DENND1A: variants seen among roughly 807,000 people sequenced by gnomAD.
DENND1A encodes the protein DENN domain-containing protein 1A.
Under a neutral mutation model 113.7 loss-of-function variants are expected in DENND1A, and 51 were observed. That is an observed-to-expected ratio of 0.45 (90% CI 0.36 to 0.57). The LOEUF (loss-of-function observed/expected upper bound fraction) is 0.57. Ranked by LOEUF, DENND1A falls within the 20% of genes least tolerant of loss-of-function variation. The probability of loss-of-function intolerance (pLI) is 0.00; values close to 1 mark genes in which losing one functional copy is unlikely to be tolerated. For synonymous variants in DENND1A, 565 were observed against 570.8 expected, an observed-to-expected ratio of 0.99 and a Z score of 0.14; for missense variants, 1,258 against 1,395.9, an observed-to-expected ratio of 0.90 and a Z score of 1.57.
chr9:123,783,184 AC>A (rs1214208241), intron 3 of DENND1A, among the ~76,000 whole-genome samples: 2 of 152,116 alleles, frequency 1.3e-5, no homozygotes, highest in Admixed American at 1.3e-4. Context: ...ATTATCTGAA[AC>A]CCCTTCATCA....
chr9:123,446,870 G>C (rs930825752), intron 18 of DENND1A, among the ~76,000 whole-genome samples: 1 of 152,158 alleles, frequency 6.6e-6, no homozygotes, highest in African/African-American at 2.4e-5. Context: ...TTTACAAAGG[G>C]CTGTGAAATG....
intron 19 of DENND1A, chr9:123,413,815 G>T (rs6478611): frequency 0.7 from 693,123 of 984,884 alleles, 245,563 homozygotes; most frequent in Middle Eastern, 0.74. Flanking sequence ...GTGTGTGGGG[G>T]AAAGGGGAAC....
chr9:123,868,872 C>T (rs769972368), intron 2 of DENND1A, among the ~76,000 whole-genome samples: 1 of 152,170 alleles, frequency 6.6e-6, no homozygotes, highest in Non-Finnish European at 1.5e-5. Context: ...GCAATTCAAA[C>T]TCATTCTATA....
chr9:123,723,063 G>T (rs1009093724), intron 5 of DENND1A, among the ~76,000 whole-genome samples: 1 of 152,238 alleles, frequency 6.6e-6, no homozygotes, highest in African/African-American at 2.4e-5. Flanking sequence ...GGGCAGAGCT[G>T]CCCAAGACCA....
intron 3 of DENND1A, among the ~76,000 whole-genome samples, chr9:123,785,945 G>A (rs887175127): frequency 6.6e-6 from 1 of 152,170 alleles, no homozygotes; most frequent in African/African-American, 2.4e-5. Flanking sequence ...AGGCACTGCG[G>A]CTTACACCTG....
At chr9:123,624,156 T>C (rs1315163671) in intron 10 of DENND1A, among the ~76,000 whole-genome samples, 1 of 152,246 alleles carries the variant, frequency 6.6e-6, no homozygotes, top group Non-Finnish European at 1.5e-5. Flanking sequence ...TTCCTTTTTG[T>C]GTATCCCCTG....
intron 13 of DENND1A, among the ~76,000 whole-genome samples, chr9:123,461,443 CTGTT>C (rs933379982): frequency 3.9e-4 from 59 of 152,192 alleles, no homozygotes; most frequent in Non-Finnish European, 7.9e-4. Context: ...GTCTCTGACA[CTGTT>C]TGGCCTGATG....
intron 2 of DENND1A, among the ~76,000 whole-genome samples, chr9:123,860,688 C>G (rs1844936713): frequency 6.6e-6 from 1 of 152,214 alleles, no homozygotes; most frequent in Non-Finnish European, 1.5e-5. Context: ...AACACCTATA[C>G]TTCATCTCTG....
chr9:123,928,941 T>C (rs1857554919), intron 1 of DENND1A: 2 of 967,826 alleles, frequency 2.1e-6, no homozygotes, highest in Admixed American at 1.2e-4. Flanking sequence ...TAAACAATTC[T>C]ATTAGTCACA....
intron 2 of DENND1A, among the ~76,000 whole-genome samples, chr9:123,838,416 C>A (rs1417275461): frequency 1.3e-5 from 2 of 151,918 alleles, no homozygotes; most frequent in Non-Finnish European, 2.9e-5. Context: ...AGAAGCTTAA[C>A]AAACGTTAAG....
At chr9:123,604,560 T>C (rs181905466) in intron 11 of DENND1A, among the ~76,000 whole-genome samples, 1 of 152,216 alleles carries the variant, frequency 6.6e-6, no homozygotes, top group African/African-American at 2.4e-5. Context: ...CACTGGGATA[T>C]GCTGTCCATA....
rs565900222 is a variant in DENND1A at position 123,584,363 on chromosome 9, G to A, written c.766-1093C>T. On this transcript the variant is annotated intron_variant, in intron 11 of 23. Coordinates refer to ENST00000394215, the MANE Select transcript of DENND1A (RefSeq NM_001352964.2). ...CTCTGAGCATGCTGCATGTGGCTGC[G>A]CAGGTATGCATTCCTCAGATGCCAA... 5.9e-5 allele frequency among the ~76,000 whole-genome samples: 9 copies of A among 152,284 alleles called. No individual in the cohort carries two copies. In the South Asian group the frequency reaches 1.9e-3, roughly 32 times the overall value.
intron 5 of DENND1A, among the ~76,000 whole-genome samples, chr9:123,742,935 G>C (rs2069145245): frequency 6.6e-6 from 1 of 152,062 alleles, no homozygotes; most frequent in African/African-American, 2.4e-5. Flanking sequence ...TGCATTTTGG[G>C]AACAAACTAA....
At chr9:123,801,881 A>G (rs1005096568) in intron 2 of DENND1A, among the ~76,000 whole-genome samples, 2 of 152,126 alleles carry the variant, frequency 1.3e-5, no homozygotes, top group Admixed American at 1.3e-4. Context: ...CACCTTTCTC[A>G]TCTTCCCACT....
At chr9:123,795,181 C>A (rs1833580356) in intron 2 of DENND1A, among the ~76,000 whole-genome samples, 1 of 152,160 alleles carries the variant, frequency 6.6e-6, no homozygotes, top group African/African-American at 2.4e-5. Flanking sequence ...AAAAGCAATG[C>A]TTTTTAAAAC....
At chr9:123,649,258 G>C (rs1390818959) in intron 9 of DENND1A, among the ~76,000 whole-genome samples, 1 of 152,028 alleles carries the variant, frequency 6.6e-6, no homozygotes. Context: ...CCTCTATTGA[G>C]GACCATAAAA....
intron 2 of DENND1A, among the ~76,000 whole-genome samples, chr9:123,849,133 T>G (rs1211838816): frequency 6.6e-6 from 1 of 152,208 alleles, no homozygotes. Flanking sequence ...TCAATGTAGA[T>G]GAAACCACCT....
At chr9:123,412,545 C>T (rs143787750) in intron 19 of DENND1A, among the ~76,000 whole-genome samples, 5 of 152,382 alleles carry the variant, frequency 3.3e-5, no homozygotes, top group Admixed American at 6.5e-5. Flanking sequence ...ATCTGCTCAA[C>T]AAGCGTCTGA....
intron 21 of DENND1A, among the ~76,000 whole-genome samples, chr9:123,392,042 G>A (rs2042880134): frequency 6.6e-6 from 1 of 152,124 alleles, no homozygotes; most frequent in Admixed American, 6.5e-5. Flanking sequence ...ATGACTTCCC[G>A]AACCCCTTCT....
Sources: gnomAD v4.1 joint callset for allele counts (sites outside exome capture counted in the v4.1 genomes callset) on GRCh38, gnomAD v4.1.1 for gene constraint, MANE v1.5 for transcripts, NCBI Gene and HGNC (gene_info 2026-07-23, HGNC 2026-07-21) for gene names.